The following CACNA2D3 variants were observed in gnomAD, a reference collection of about 807,000 sequenced individuals.
CACNA2D3 encodes voltage-dependent calcium channel subunit alpha-2/delta-3.
CACNA2D3 carries 60 observed loss-of-function variants against 160.6 expected under a neutral mutation model. That is an observed-to-expected ratio of 0.37 (90% CI 0.30 to 0.46). The LOEUF (loss-of-function observed/expected upper bound fraction) is 0.46. Among genes scored for constraint, CACNA2D3 ranks in the 20% least tolerant of loss-of-function variants. The probability of loss-of-function intolerance (pLI) is 1.00; values close to 1 mark genes in which losing one functional copy is unlikely to be tolerated. For synonymous variants in CACNA2D3, 558 were observed against 492.9 expected (o/e 1.13, Z -1.75); for missense variants, 1,205 against 1,365.0 (o/e 0.88, Z 1.85).
At chr3:54,503,347 G>C (rs1701322216) in intron 4 of CACNA2D3, 145 bp from the exon 5 acceptor site, 3 of 645,464 alleles carry the variant, frequency 4.6e-6, no homozygotes, top group Non-Finnish European at 8.0e-6. Context: ...AGCAGCCATG[G>C]ACAGTACATA....
intron 5 of CACNA2D3, among the ~76,000 whole-genome samples, chr3:54,535,267 T>C (rs952117971): frequency 5.3e-5 from 8 of 152,270 alleles, no homozygotes; most frequent in African/African-American, 1.7e-4. Context: ...CTTGTTTTTT[T>C]ACAAGTCCTC....
At chr3:54,434,031 G>A (rs907339635) in intron 4 of CACNA2D3, among the ~76,000 whole-genome samples, 1 of 152,138 alleles carries the variant, frequency 6.6e-6, no homozygotes, top group African/African-American at 2.4e-5. Flanking sequence ...AAGCAGCAGC[G>A]CTCCGGTTCT....
chr3:54,723,856 A>G (rs1202705561), intron 11 of CACNA2D3, among the ~76,000 whole-genome samples: 1 of 152,240 alleles, frequency 6.6e-6, no homozygotes, highest in Non-Finnish European at 1.5e-5. Context: ...AAGAAACTGC[A>G]TCAACTAACA....
intron 27 of CACNA2D3, among the ~76,000 whole-genome samples, chr3:54,928,288 C>T (rs191621471): frequency 6.6e-6 from 1 of 152,256 alleles, no homozygotes; most frequent in East Asian, 1.9e-4. Context: ...CCCAGTGCCT[C>T]GGCCTTTTTG....
chr3:54,154,319 A>G (rs1395896495), intron 2 of CACNA2D3, among the ~76,000 whole-genome samples: 1 of 152,146 alleles, frequency 6.6e-6, no homozygotes, highest in Non-Finnish European at 1.5e-5. Context: ...AAATACAATA[A>G]CCTGATTAGG....
At chr3:54,476,881 T>G (rs1700840004) in intron 4 of CACNA2D3, among the ~76,000 whole-genome samples, 1 of 152,212 alleles carries the variant, frequency 6.6e-6, no homozygotes, top group African/African-American at 2.4e-5. Flanking sequence ...TTCTAAGACA[T>G]CAATAACTTT....
intron 11 of CACNA2D3, among the ~76,000 whole-genome samples, chr3:54,679,453 CTG>C (rs1700303592): frequency 6.6e-6 from 1 of 152,338 alleles, no homozygotes; most frequent in East Asian, 1.9e-4. Flanking sequence ...CATATCCTCT[CTG>C]TGTGCATCAA....
intron 3 of CACNA2D3, among the ~76,000 whole-genome samples, chr3:54,338,213 G>A (rs1303823043): frequency 6.6e-6 from 1 of 152,186 alleles, no homozygotes; most frequent in Non-Finnish European, 1.5e-5. Flanking sequence ...GAAAACATTT[G>A]GGAACAATGT....
chr3:54,823,568 C>T (rs1703687473), intron 14 of CACNA2D3, among the ~76,000 whole-genome samples: 1 of 151,990 alleles, frequency 6.6e-6, no homozygotes, highest in Non-Finnish European at 1.5e-5. Flanking sequence ...AAAAGAAGAG[C>T]CAAAATACCT....
At chr3:54,339,398 C>G (rs1401677139) in intron 3 of CACNA2D3, among the ~76,000 whole-genome samples, 1 of 152,192 alleles carries the variant, frequency 6.6e-6, no homozygotes, top group Non-Finnish European at 1.5e-5. Flanking sequence ...ACCCCCTTCA[C>G]CCCTAACACC....
intron 11 of CACNA2D3, among the ~76,000 whole-genome samples, chr3:54,680,183 G>A (rs1700316301): frequency 6.6e-6 from 1 of 152,096 alleles, no homozygotes; most frequent in Non-Finnish European, 1.5e-5. Context: ...GGTTTGCTAG[G>A]GAAAAATAAT....
chr3:54,384,343 C>T (rs1053680499), intron 3 of CACNA2D3, among the ~76,000 whole-genome samples: 11 of 152,192 alleles, frequency 7.2e-5, no homozygotes, highest in Non-Finnish European at 1.3e-4. Context: ...AATACACATT[C>T]TGTAAAGCTC....
At chr3:54,456,110 A>G (rs528829217) in intron 4 of CACNA2D3, among the ~76,000 whole-genome samples, 12 of 152,212 alleles carry the variant, frequency 7.9e-5, no homozygotes, top group African/African-American at 2.2e-4. Flanking sequence ...TTTGATAGAG[A>G]TTGCATTGAA....
chr3:54,627,687 A>G (rs1167960570), intron 9 of CACNA2D3, 100 bp from the exon 10 acceptor site: 1 of 743,004 alleles, frequency 1.3e-6, no homozygotes, highest in Non-Finnish European at 2.4e-6. Flanking sequence ...GTTGGATCTG[A>G]CAATCATTGG....
At chr3:54,260,668 C>G (rs540919117) in intron 2 of CACNA2D3, among the ~76,000 whole-genome samples, 1 of 152,306 alleles carries the variant, frequency 6.6e-6, no homozygotes, top group South Asian at 2.1e-4. Flanking sequence ...CCTCACGTCT[C>G]CTACTATTCT....
chr3:54,901,065 A>G (rs1033213166), intron 27 of CACNA2D3: 3 of 152,152 alleles, frequency 2.0e-5, no homozygotes, highest in African/African-American at 4.8e-5. Flanking sequence ...AAATTTTGTC[A>G]CTTAATGTCT....
At chr3:54,229,112 A>G (rs1701724066) in intron 2 of CACNA2D3, among the ~76,000 whole-genome samples, 1 of 152,108 alleles carries the variant, frequency 6.6e-6, no homozygotes, top group Non-Finnish European at 1.5e-5. Flanking sequence ...TTGTTCTACA[A>G]TGGTGATTCT....
At chr3:54,542,008 A>T (rs764705798) in intron 5 of CACNA2D3, among the ~76,000 whole-genome samples, 2 of 151,364 alleles carry the variant, frequency 1.3e-5, no homozygotes, top group African/African-American at 4.9e-5. Context: ...AGGGTTCTCT[A>T]GAGCGACAGA....
chr3:54,792,957 T>A (rs985209393), intron 13 of CACNA2D3, among the ~76,000 whole-genome samples: 1 of 152,172 alleles, frequency 6.6e-6, no homozygotes, highest in African/African-American at 2.4e-5. Flanking sequence ...GGCAAAAAAC[T>A]GCTGTTTTCT....
Sources: allele counts gnomAD v4.1 joint callset (sites outside exome capture counted in the v4.1 genomes callset), GRCh38; gene constraint gnomAD v4.1.1; transcripts MANE v1.5; gene names NCBI Gene and HGNC (gene_info 2026-07-23, HGNC 2026-07-21).